NRG3: variants seen among roughly 807,000 people sequenced by gnomAD.
NRG3 encodes the protein neuregulin 3, also known as pro-neuregulin-3, membrane-bound isoform.
In NRG3, 31 loss-of-function variants were observed where a neutral mutation model predicts 66.9. That is an observed-to-expected ratio of 0.46 (90% CI 0.35 to 0.63). The LOEUF (loss-of-function observed/expected upper bound fraction) is 0.63, where lower values mean the gene tolerates loss of function less well. Ranked by LOEUF, NRG3 falls within the 20% of genes least tolerant of loss-of-function variation. The probability of loss-of-function intolerance (pLI) is 0.00; values close to 1 mark genes in which losing one functional copy is unlikely to be tolerated. For synonymous variants in NRG3, 393 were observed against 359.4 expected (o/e 1.09, Z -1.06); for missense variants, 910 against 878.9 (o/e 1.04, Z -0.45).
intron 1 of NRG3, among the ~76,000 whole-genome samples, chr10:82,300,641 G>A (rs1216602819): frequency 6.6e-6 from 1 of 152,118 alleles, no homozygotes; most frequent in Non-Finnish European, 1.5e-5. Flanking sequence ...CCACAAACAT[G>A]AACTGAAGTG....
At chr10:82,570,421 C>G (rs1380424076) in intron 2 of NRG3, among the ~76,000 whole-genome samples, 1 of 151,542 alleles carries the variant, frequency 6.6e-6, no homozygotes, top group African/African-American at 2.4e-5. Context: ...TCATTGGAGA[C>G]TTTGAGTTTC....
chr10:82,872,704 TAAAAA>T (rs530444189), intron 4 of NRG3, among the ~76,000 whole-genome samples: 3 of 150,472 alleles, frequency 2.0e-5, no homozygotes, highest in African/African-American at 7.3e-5. Flanking sequence ...ATAAGTGCTC[TAAAAA>T]AAGTTTAGGC....
chr10:82,232,745 C>T (rs973854034), intron 1 of NRG3: 1 of 717,266 alleles, frequency 1.4e-6, no homozygotes, highest in Non-Finnish European at 2.6e-6. Context: ...CTCACAGGTC[C>T]TAGAGACAGG....
At chr10:81,965,391 C>A (rs1289934892) in intron 1 of NRG3, among the ~76,000 whole-genome samples, 1 of 151,956 alleles carries the variant, frequency 6.6e-6, no homozygotes, top group African/African-American at 2.4e-5. Flanking sequence ...TATATTCTTT[C>A]TTTTGTAGAT....
At chr10:82,502,175 T>C (rs1290822608) in intron 2 of NRG3, among the ~76,000 whole-genome samples, 1 of 152,188 alleles carries the variant, frequency 6.6e-6, no homozygotes, top group Non-Finnish European at 1.5e-5. Flanking sequence ...TTTTTTTTGT[T>C]TGTTTTTTTG....
chr10:82,255,542 G>A (rs575902690), intron 1 of NRG3, among the ~76,000 whole-genome samples: 7 of 152,192 alleles, frequency 4.6e-5, no homozygotes, highest in Middle Eastern at 3.4e-3. Flanking sequence ...GGAGTATGAG[G>A]AAAACTTCTG....
chr10:82,977,467 G>A (rs1270091767), intron 7 of NRG3, among the ~76,000 whole-genome samples: 1 of 151,978 alleles, frequency 6.6e-6, no homozygotes, highest in Non-Finnish European at 1.5e-5. Context: ...AAATTAGCCT[G>A]CCATTGTGGG....
In NRG3 at chr10:82,635,993, G is replaced by C. The variant is rs142226052; in HGVS notation, c.954-102584G>C. 1.1e-3 allele frequency among the ~76,000 whole-genome samples: 163 copies of C among 152,232 alleles called. 2 individuals are homozygous for C. Among genetic ancestry groups the C allele is most frequent in the African/African-American group, 3.7e-3 (155 of 41,526 alleles). The stretch of plus-strand genomic sequence containing the variant: ...CTTCGTGCGTAGTGTCAAAGTCCAA[G>C]GGAATCTTCATGGGGAAAGGAGTAG... On this transcript the variant is annotated intron_variant, in intron 2 of 8. Coordinates refer to ENST00000372141, the MANE Select transcript of NRG3 (RefSeq NM_001010848.4).
At chr10:81,991,944 A>G (rs912721011) in intron 1 of NRG3, among the ~76,000 whole-genome samples, 1 of 152,146 alleles carries the variant, frequency 6.6e-6, no homozygotes, top group African/African-American at 2.4e-5. Context: ...CATTAGTCAC[A>G]GAAAAACTCC....
At chr10:82,749,142 G>T (rs923147856) in intron 3 of NRG3, among the ~76,000 whole-genome samples, 5 of 152,206 alleles carry the variant, frequency 3.3e-5, no homozygotes, top group Admixed American at 2.0e-4. Context: ...CTTGACAGTT[G>T]CAACTTCAGT....
intron 6 of NRG3, among the ~76,000 whole-genome samples, chr10:82,960,701 A>T (rs2132458368): frequency 6.6e-6 from 1 of 152,152 alleles, no homozygotes; most frequent in Admixed American, 6.5e-5. Context: ...CCACAAAAGA[A>T]GTGAAAATGG....
intron 1 of NRG3, among the ~76,000 whole-genome samples, chr10:81,876,491 G>A (rs993412980): frequency 2.0e-5 from 3 of 152,190 alleles, no homozygotes; most frequent in Non-Finnish European, 4.4e-5. Context: ...CAGACCTGCT[G>A]GCGAGCTGCC....
intron 1 of NRG3, chr10:82,229,127 C>T: frequency 6.6e-6 from 1 of 152,146 alleles, no homozygotes; most frequent in East Asian, 1.9e-4. Flanking sequence ...CCCATAGTTC[C>T]AAGTACTCAC....
rs1366577487 is a variant in NRG3 at position 82,951,452 on chromosome 10, G to T, written c.1055-17G>T. On this transcript the variant is annotated splice_polypyrimidine_tract_variant and intron_variant, in intron 4 of 8. Coordinates refer to ENST00000372141, the MANE Select transcript of NRG3 (RefSeq NM_001010848.4). ...CCCCGCTAGCATCCATTCTAATTTT[G>T]TTTTTCAAATTCACAGAGAGTGAAG... 2 of 1,600,840 alleles carry T rather than the reference G, an allele frequency of 1.2e-6. No individual in the cohort carries two copies. Among genetic ancestry groups the T allele is most frequent in the African/African-American group, 2.7e-5 (2 of 74,582 alleles).
chr10:82,601,673 G>A (rs972613257), intron 2 of NRG3, among the ~76,000 whole-genome samples: 5 of 150,702 alleles, frequency 3.3e-5, no homozygotes, highest in African/African-American at 4.9e-5. Flanking sequence ...TTAATTTCTC[G>A]GTGGACCTTC....
intron 6 of NRG3, among the ~76,000 whole-genome samples, chr10:82,966,462 T>A (rs1923583): frequency 0.38 from 57,893 of 152,036 alleles, 11,871 homozygotes; most frequent in Middle Eastern, 0.48. Flanking sequence ...TTTTATTATG[T>A]CATATCAAGA....
chr10:82,209,635 T>C (rs1240854073), intron 1 of NRG3, among the ~76,000 whole-genome samples: 6 of 152,200 alleles, frequency 3.9e-5, no homozygotes, highest in Non-Finnish European at 8.8e-5. Flanking sequence ...GTAAGTATTT[T>C]GTTTTCTTGG....
intron 1 of NRG3, among the ~76,000 whole-genome samples, chr10:82,177,511 T>C (rs2073120937): frequency 6.6e-6 from 1 of 152,228 alleles, no homozygotes; most frequent in Non-Finnish European, 1.5e-5. Flanking sequence ...ATGTGCGTAT[T>C]ACTTAGAGCA....
At chr10:82,863,578 G>A (rs2064257168) in intron 3 of NRG3, among the ~76,000 whole-genome samples, 1 of 152,174 alleles carries the variant, frequency 6.6e-6, no homozygotes, top group Non-Finnish European at 1.5e-5. Flanking sequence ...GTATCTCATT[G>A]TGGTTTTGAT....
Sources: gnomAD v4.1 joint callset for allele counts (sites outside exome capture counted in the v4.1 genomes callset) on GRCh38, gnomAD v4.1.1 for gene constraint, MANE v1.5 for transcripts, NCBI Gene and HGNC (gene_info 2026-07-23, HGNC 2026-07-21) for gene names.